ARHGAP15: variants seen among roughly 807,000 people sequenced by gnomAD.
ARHGAP15 encodes the protein rho GTPase-activating protein 15.
A neutral mutation model predicts 63.7 loss-of-function variants in ARHGAP15; 51 were observed. That is an observed-to-expected ratio of 0.80 (90% CI 0.64 to 1.01). The LOEUF is 1.01. Ranked by LOEUF, ARHGAP15 falls within the 50% of genes least tolerant of loss-of-function variation. The pLI, the probability that ARHGAP15 is intolerant of heterozygous loss-of-function variation, is 0.00. For synonymous variants in ARHGAP15, 191 were observed against 193.8 expected, an observed-to-expected ratio of 0.99 and a Z score of 0.12; for missense variants, 560 against 564.6, an observed-to-expected ratio of 0.99 and a Z score of 0.08.
chr2:143,477,145 T>A (rs918699593), intron 8 of ARHGAP15, among the ~76,000 whole-genome samples: 1 of 151,870 alleles, frequency 6.6e-6, no homozygotes, highest in African/African-American at 2.4e-5. Context: ...ATACAAGCAT[T>A]TTTTTAATGA....
chr2:143,604,120 TAGGCTGAAGACAGCC>T, intron 11 of ARHGAP15, among the ~76,000 whole-genome samples: 1 of 152,330 alleles, frequency 6.6e-6, no homozygotes, highest in Non-Finnish European at 1.5e-5. Flanking sequence ...CATTTAAGGT[TAGGCTGAAGACAGCC>T]ACAGATCCTC....
At chr2:143,612,251 A>G (rs1479563822) in intron 11 of ARHGAP15, among the ~76,000 whole-genome samples, 1 of 152,174 alleles carries the variant, frequency 6.6e-6, no homozygotes, top group Non-Finnish European at 1.5e-5. Context: ...TCCATTTCAT[A>G]CCTCTTTGCT....
intron 5 of ARHGAP15, among the ~76,000 whole-genome samples, chr2:143,244,744 C>A (rs924418235): frequency 6.6e-6 from 1 of 151,644 alleles, no homozygotes; most frequent in Admixed American, 6.6e-5. Context: ...TCACATTGAA[C>A]GAAAAAAGGT....
chr2:143,638,906 A>T (rs963296340), intron 12 of ARHGAP15, among the ~76,000 whole-genome samples: 2 of 152,202 alleles, frequency 1.3e-5, no homozygotes, highest in South Asian at 4.1e-4. Flanking sequence ...TGCTATGTGT[A>T]CATTTCACTA....
chr2:143,465,229 A>G (rs527538779), intron 8 of ARHGAP15, among the ~76,000 whole-genome samples: 25 of 152,256 alleles, frequency 1.6e-4, no homozygotes, highest in African/African-American at 5.5e-4. Context: ...AAAAGCCTGG[A>G]GAAGAGAATC....
chr2:143,707,461 G>A lies in ARHGAP15; in HGVS notation c.1244+3937G>A, dbSNP rs547909483. Among the ~76,000 whole-genome samples, 12 of 152,318 alleles carry A rather than the reference G, an allele frequency of 7.9e-5. No homozygotes were observed. The East Asian group carries it at 1.2e-3, about 15-fold the overall frequency. ...AAACAGACATGGGAAAGAAGATGACGAGGTTGTAGCAAACTAATGAAATAG... is the reference window on the plus strand; with the variant it reads ...AAACAGACATGGGAAAGAAGATGACAAGGTTGTAGCAAACTAATGAAATAG... On this transcript the variant is annotated intron_variant, in intron 13 of 13. Coordinates refer to ENST00000295095, the MANE Select transcript of ARHGAP15 (RefSeq NM_018460.4).
intron 13 of ARHGAP15, among the ~76,000 whole-genome samples, chr2:143,731,895 C>A (rs1685553047): frequency 6.6e-6 from 1 of 152,132 alleles, no homozygotes; most frequent in African/African-American, 2.4e-5. Context: ...AATCTAGCAT[C>A]CAGAGAGAAG....
At chr2:143,700,673 A>AATAT (rs70982881) in intron 12 of ARHGAP15, among the ~76,000 whole-genome samples, 11 of 151,658 alleles carry the variant, frequency 7.3e-5, no homozygotes, top group South Asian at 2.1e-4. Context: ...CTCTTGAATG[A>AATAT]ATATATATAT....
chr2:143,268,984 C>T (rs1194950704), intron 6 of ARHGAP15, among the ~76,000 whole-genome samples: 2 of 152,056 alleles, frequency 1.3e-5, no homozygotes, highest in Admixed American at 1.3e-4. Flanking sequence ...ATCTTAGATT[C>T]TCAAGGAAAT....
At position 143,202,173 on chromosome 2, in the gene ARHGAP15, A is replaced by G; in HGVS notation, c.205A>G (p.Lys69Glu). 6.2e-7 allele frequency: 1 copy of G among 1,612,252 alleles called. No individual in the cohort carries two copies. Among genetic ancestry groups the G allele is most frequent in the Non-Finnish European group, 8.5e-7 (1 of 1,178,634 alleles). ...AAGGAATCATTCACAGCATATCTTG[A>G]AAGATGTCATTCCTCCATTGGAACA... ...HRRNHSQHIL[K>E]DVIPPLEQLM... is the part of the protein sequence containing the mutation. Residue 69 changes from lysine (K) to glutamate (E), a missense_variant, in exon 3 of 14, where the codon AAA becomes GAA. By Grantham distance (56) the Lys-to-Glu change is moderately conservative. Transcript: ENST00000295095.
At chr2:143,156,248 A>G (rs138079151) in intron 2 of ARHGAP15, among the ~76,000 whole-genome samples, 1 of 151,804 alleles carries the variant, frequency 6.6e-6, no homozygotes, top group Admixed American at 6.6e-5. Flanking sequence ...TCTACTGCCA[A>G]TTGTGTCGCT....
intron 11 of ARHGAP15, among the ~76,000 whole-genome samples, chr2:143,566,088 G>A (rs1290091607): frequency 7.3e-6 from 1 of 136,912 alleles, no homozygotes; most frequent in African/African-American, 3.0e-5. Flanking sequence ...TTGCAGAGAT[G>A]GGAAGAAATT....
At chr2:143,426,603 G>A (rs938015531) in intron 6 of ARHGAP15, among the ~76,000 whole-genome samples, 3 of 151,996 alleles carry the variant, frequency 2.0e-5, no homozygotes, top group East Asian at 1.9e-4. Context: ...GCAAAGTGTC[G>A]GAAACAACAC....
intron 8 of ARHGAP15, among the ~76,000 whole-genome samples, chr2:143,473,740 G>C (rs4273169): frequency 6.6e-6 from 1 of 151,892 alleles, no homozygotes; most frequent in African/African-American, 2.4e-5. Context: ...ATGCTTTTTT[G>C]CTAAGTGCAT....
intron 4 of ARHGAP15, among the ~76,000 whole-genome samples, chr2:143,222,944 T>A (rs1054502785): frequency 6.6e-6 from 1 of 152,154 alleles, no homozygotes; most frequent in African/African-American, 2.4e-5. Flanking sequence ...GTTTTGTATG[T>A]CAAAAGATAA....
intron 6 of ARHGAP15, among the ~76,000 whole-genome samples, chr2:143,423,590 G>A (rs552068952): frequency 6.6e-6 from 1 of 152,196 alleles, no homozygotes; most frequent in Non-Finnish European, 1.5e-5. Flanking sequence ...CTGCTGGAGG[G>A]ATACCTCTTT....
chr2:143,183,036 A>G (rs890912584), intron 2 of ARHGAP15, among the ~76,000 whole-genome samples: 2 of 152,332 alleles, frequency 1.3e-5, no homozygotes, highest in East Asian at 3.9e-4. Context: ...GAGAGAGGGA[A>G]GGGCTACAAG....
chr2:143,280,599 T>C (rs575184176), intron 6 of ARHGAP15, among the ~76,000 whole-genome samples: 2 of 152,112 alleles, frequency 1.3e-5, no homozygotes, highest in African/African-American at 4.8e-5. Context: ...AAATGGTTTT[T>C]CCCCGTATGG....
chr2:143,160,537 G>A (rs181067525), intron 2 of ARHGAP15, among the ~76,000 whole-genome samples: 1 of 151,946 alleles, frequency 6.6e-6, no homozygotes, highest in East Asian at 1.9e-4. Context: ...ATATACATTA[G>A]GAGTGCTGCT....
Sources: allele counts gnomAD v4.1 joint callset (sites outside exome capture counted in the v4.1 genomes callset), GRCh38; gene constraint gnomAD v4.1.1; transcripts MANE v1.5; gene names NCBI Gene and HGNC (gene_info 2026-07-23, HGNC 2026-07-21).